PTPRM: variants seen among roughly 807,000 people sequenced by gnomAD.
PTPRM encodes receptor-type tyrosine-protein phosphatase mu.
A neutral mutation model predicts 186.7 loss-of-function variants in PTPRM; 47 were observed. The observed-to-expected ratio is 0.25, with a 90% CI of 0.20 to 0.32. PTPRM has a LOEUF of 0.32. Among genes scored for constraint, PTPRM ranks in the 10% least tolerant of loss-of-function variants. The pLI is 1.00. For synonymous variants in PTPRM, 668 were observed against 674.9 expected (o/e 0.99, Z 0.16); for missense variants, 1,494 against 1,865.0 (o/e 0.80, Z 3.66).
chr18:7,577,688 C>G (rs1191599883), intron 1 of PTPRM, among the ~76,000 whole-genome samples: 1 of 152,166 alleles, frequency 6.6e-6, no homozygotes, highest in Admixed American at 6.5e-5. Context: ...ACTTCCTCAA[C>G]TTCTGAAGTC....
At chr18:8,007,136 A>G (rs1445603689) in intron 7 of PTPRM, among the ~76,000 whole-genome samples, 1 of 152,170 alleles carries the variant, frequency 6.6e-6, no homozygotes, top group Non-Finnish European at 1.5e-5. Flanking sequence ...GGACCTAGGA[A>G]TCTGCAGTTT....
At chr18:8,035,449 G>A (rs372109788) in intron 7 of PTPRM, among the ~76,000 whole-genome samples, 9 of 152,264 alleles carry the variant, frequency 5.9e-5, no homozygotes, top group East Asian at 5.8e-4. Context: ...ATAAAGTGGT[G>A]TGCCATGTGC....
rs974669424 is a variant in PTPRM at position 7,927,031 on chromosome 18, CTT to C, written c.663+349_663+350del. ...AGTCTCTTTCTCTCTCTCTCTCTCT[CTT>C]ACACACATACACACCACAGAACACT... On this transcript the variant is annotated intron_variant, in intron 5 of 32. Transcript: ENST00000580170. Among the ~76,000 whole-genome samples, 8 of 147,538 alleles carry C rather than the reference CTT, an allele frequency of 5.4e-5. No individual in the cohort carries two copies. The South Asian group carries it at 6.4e-4, about 12-fold the overall frequency.
intron 2 of PTPRM, among the ~76,000 whole-genome samples, chr18:7,847,534 T>G (rs573049162): frequency 1.4e-3 from 214 of 152,238 alleles, no homozygotes; most frequent in African/African-American, 4.8e-3. Context: ...GAATAGAGTT[T>G]GGTTTCAGGC....
intron 1 of PTPRM, among the ~76,000 whole-genome samples, chr18:7,757,306 G>A (rs983593022): frequency 6.6e-6 from 1 of 152,200 alleles, no homozygotes; most frequent in African/African-American, 2.4e-5. Flanking sequence ...TCTGTGTTGG[G>A]CATCTCTTAC....
intron 13 of PTPRM, among the ~76,000 whole-genome samples, chr18:8,139,987 G>T (rs2092726687): frequency 6.6e-6 from 1 of 152,206 alleles, no homozygotes; most frequent in African/African-American, 2.4e-5. Context: ...ATAAATGCTT[G>T]TTGAATAAAT....
intron 1 of PTPRM, among the ~76,000 whole-genome samples, chr18:7,674,491 A>C (rs1014637175): frequency 6.6e-6 from 1 of 152,132 alleles, no homozygotes; most frequent in South Asian, 2.1e-4. Flanking sequence ...ATGGGCAGGC[A>C]CTGAGAGGAG....
intron 1 of PTPRM, among the ~76,000 whole-genome samples, chr18:7,612,876 A>G (rs1429446065): frequency 2.0e-5 from 3 of 152,152 alleles, no homozygotes; most frequent in South Asian, 2.1e-4. Flanking sequence ...GAATGTACCT[A>G]GCTCCCATCG....
rs201030232 is a variant in PTPRM at position 7,876,197 on chromosome 18, TA to T, written c.197-11902del. On this transcript the variant is annotated intron_variant, in intron 2 of 32. Coordinates refer to ENST00000580170, the MANE Select transcript of PTPRM (RefSeq NM_001105244.2). ...ATTGATATAAACTCATTAGGTGATT[TA>T]AAAAAATTGGTTTAGTCAAATTAAA... 7.0e-3 allele frequency among the ~76,000 whole-genome samples: 1,071 copies of T among 152,104 alleles called. 7 individuals are homozygous for T. The highest frequency in any genetic ancestry group is 0.025 in the African/African-American group (1,040 of 41,482).
At chr18:8,259,483 G>A (rs1273562361) in intron 19 of PTPRM, among the ~76,000 whole-genome samples, 1 of 151,934 alleles carries the variant, frequency 6.6e-6, no homozygotes, top group East Asian at 1.9e-4. Flanking sequence ...CATATGAGTT[G>A]TATATCCCCC....
chr18:7,733,590 A>G (rs1019298890), intron 1 of PTPRM, among the ~76,000 whole-genome samples: 1 of 152,190 alleles, frequency 6.6e-6, no homozygotes, highest in Non-Finnish European at 1.5e-5. Context: ...TAATCCTTTG[A>G]GAATATGCCC....
At chr18:7,656,504 C>T (rs746963596) in intron 1 of PTPRM, among the ~76,000 whole-genome samples, 1 of 151,880 alleles carries the variant, frequency 6.6e-6, no homozygotes, top group African/African-American at 2.4e-5. Context: ...GTTCTGGTGG[C>T]GATGGTTGCT....
Position 7,624,564 on chromosome 18 carries a change from C to A in PTPRM, c.73+56673C>A, listed in dbSNP as rs530549689. ...GCAGTGGCGTCATCATGGCTTACTGCAGCCTTGACTTCCTGGGTTCAAGTG... is the reference window on the plus strand; with the variant it reads ...GCAGTGGCGTCATCATGGCTTACTGAAGCCTTGACTTCCTGGGTTCAAGTG... On this transcript the variant is annotated intron_variant, in intron 1 of 32. Coordinates refer to ENST00000580170, the MANE Select transcript of PTPRM (RefSeq NM_001105244.2). 1.6e-4 allele frequency among the ~76,000 whole-genome samples: 24 copies of A among 152,164 alleles called. 1 individual carries two copies. In the South Asian group the frequency reaches 4.8e-3, roughly 30 times the overall value.
chr18:8,394,507 GC>G lies in PTPRM; in HGVS notation c.4242del (p.Ile1415SerfsTer20). ...NGGGRSGTFCAISIVCEMLRH... is the reference protein window; with the variant it reads ...NGGGRSGTFCXISIVCEMLRH... Reference sequence around the variant, plus strand: ...GGGAGGCCGCAGTGGGACGTTCTGCGCCATCAGCATCGTATGTGAGATGCTC... The same window carrying G: ...GGGAGGCCGCAGTGGGACGTTCTGCGCATCAGCATCGTATGTGAGATGCTC... On this transcript the variant is annotated frameshift_variant, in exon 32 of 33. Coordinates refer to ENST00000580170, the MANE Select transcript of PTPRM (RefSeq NM_001105244.2). LOFTEE classifies it high-confidence loss of function. 6.2e-7 allele frequency: 1 copy of G among 1,613,198 alleles called. No individual in the cohort carries two copies. The highest frequency in any genetic ancestry group is 8.5e-7 in the Non-Finnish European group (1 of 1,179,614).
chr18:8,382,252 G>A (rs2095741733), intron 29 of PTPRM, among the ~76,000 whole-genome samples: 1 of 152,208 alleles, frequency 6.6e-6, no homozygotes, highest in South Asian at 2.1e-4. Flanking sequence ...CTTGGGCAGA[G>A]CATAGAATGC....
At chr18:7,926,749 G>A (rs956872715) in intron 5 of PTPRM, 66 bp downstream of exon 5, 29 of 1,199,000 alleles carry the variant, frequency 2.4e-5, no homozygotes, top group Non-Finnish European at 3.3e-5. Context: ...CCCTGGAGGA[G>A]GAACCCAGAG....
intron 7 of PTPRM, among the ~76,000 whole-genome samples, chr18:7,989,271 G>T (rs2147600773): frequency 6.6e-6 from 1 of 151,906 alleles, no homozygotes; most frequent in South Asian, 2.1e-4. Context: ...TGGCATTACT[G>T]TACCAAACCA....
intron 9 of PTPRM, among the ~76,000 whole-genome samples, chr18:8,084,997 A>G (rs1022366032): frequency 7.9e-5 from 12 of 152,178 alleles, no homozygotes; most frequent in African/African-American, 2.9e-4. Context: ...GGCAATTTAA[A>G]TTCAAATTTT....
chr18:7,738,197 G>A (rs917070501), intron 1 of PTPRM, among the ~76,000 whole-genome samples: 1 of 152,102 alleles, frequency 6.6e-6, no homozygotes, highest in Non-Finnish European at 1.5e-5. Context: ...ATCAAAATAG[G>A]AACCATTGCA....
Sources: allele counts gnomAD v4.1 joint callset (sites outside exome capture counted in the v4.1 genomes callset), GRCh38; gene constraint gnomAD v4.1.1; transcripts MANE v1.5; gene names NCBI Gene and HGNC (gene_info 2026-07-23, HGNC 2026-07-21).